Variants in ZNF670 observed in about 807,000 individuals in gnomAD.
The protein encoded by ZNF670 is zinc finger protein 670.
In ZNF670, 7 loss-of-function variants were observed where a neutral mutation model predicts 10.9. The ratio of observed to expected loss-of-function variants is 0.64; its 90% CI spans 0.36 to 1.20. The LOEUF is 1.20. Among genes scored for constraint, ZNF670 ranks in the 50% most tolerant of loss-of-function variants. The pLI, the probability that ZNF670 is intolerant of heterozygous loss-of-function variation, is 0.02. For missense variants in ZNF670, 446 were observed against 458.6 expected, an observed-to-expected ratio of 0.97 and a Z score of 0.25; for synonymous variants, 136 against 152.7, an observed-to-expected ratio of 0.89 and a Z score of 0.81.
At chr1:247,061,910 G>T (rs1049831007) in intron 1 of ZNF670, among the ~76,000 whole-genome samples, 10 of 152,166 alleles carry the variant, frequency 6.6e-5, no homozygotes, top group African/African-American at 2.2e-4. Flanking sequence ...AATGATAAGG[G>T]TGATCTAAGA....
intron 1 of ZNF670, among the ~76,000 whole-genome samples, chr1:247,051,795 TTTTG>T (rs1670603434): frequency 6.7e-6 from 1 of 149,444 alleles, no homozygotes; most frequent in African/African-American, 2.5e-5. Context: ...TTTTTTTTTT[TTTTG>T]TTTTGTTGCA....
chr1:247,071,054 T>C (rs2103071889), intron 1 of ZNF670, among the ~76,000 whole-genome samples: 1 of 152,364 alleles, frequency 6.6e-6, no homozygotes, highest in Non-Finnish European at 1.5e-5. Flanking sequence ...GTGGAAAGCA[T>C]TTTGGAGATT....
intron 1 of ZNF670, among the ~76,000 whole-genome samples, chr1:247,057,976 A>C (rs1189901912): frequency 1.3e-5 from 2 of 152,226 alleles, no homozygotes; most frequent in Non-Finnish European, 2.9e-5. Context: ...TGTACATTTT[A>C]AAATAAGTAA....
At chr1:247,058,618 A>G (rs1413932737) in intron 1 of ZNF670, among the ~76,000 whole-genome samples, 1 of 151,688 alleles carries the variant, frequency 6.6e-6, no homozygotes, top group Admixed American at 6.6e-5. Context: ...ATAAACCTAT[A>G]GCCAGACCAA....
intron 1 of ZNF670, among the ~76,000 whole-genome samples, chr1:247,057,345 T>C (rs1480970237): frequency 1.3e-5 from 2 of 152,146 alleles, no homozygotes; most frequent in Non-Finnish European, 2.9e-5. Flanking sequence ...CAACAATTGC[T>C]GGAGAGGATG....
In ZNF670 at chr1:247,037,237, T is replaced by C; in HGVS notation, c.*212A>G. On this transcript the variant is annotated 3_prime_UTR_variant, in exon 4 of 4. Transcript: ENST00000366503. ...GAAAATAAAGTGTTCTAACACATTT[T>C]TCGTATTTTATGACGTTCTTTCCCA... 2.1e-6 allele frequency: 1 copy of C among 482,588 alleles called. No homozygotes were observed. The highest frequency in any genetic ancestry group is 3.5e-6 in the Non-Finnish European group (1 of 284,570). 29.9% of individuals were successfully genotyped at this position (482,588 alleles called of 1,614,324 possible). A position where few individuals can be genotyped will look rare whatever the true frequency, so the allele number is the denominator to read the frequency against.
chr1:247,035,961 TCAAA>T lies in ZNF670; in HGVS notation c.*1484_*1487del, dbSNP rs555099942. Among the ~76,000 whole-genome samples, 4 of 152,184 alleles carry T rather than the reference TCAAA, an allele frequency of 2.6e-5. No individual in the cohort carries two copies. The highest frequency in any genetic ancestry group is 4.4e-5 in the Non-Finnish European group (3 of 68,034). ...TTTCTGTTGAGCATAAGACTGGTGC[TCAAA>T]CAGTTTTTGACTTCGGAGCATTTCA... is the stretch of plus-strand genomic sequence containing the variant. On this transcript the variant is annotated 3_prime_UTR_variant, in exon 4 of 4. Coordinates refer to ENST00000366503, the MANE Select transcript of ZNF670 (RefSeq NM_033213.5).
chr1:247,059,877 G>A (rs752536271), intron 1 of ZNF670, among the ~76,000 whole-genome samples: 1 of 152,074 alleles, frequency 6.6e-6, no homozygotes, highest in Admixed American at 6.6e-5. Flanking sequence ...ATGAGCAACT[G>A]ATTTAAATTT....
rs1670137483 is a variant in ZNF670, at chr1:247,035,838, G to A, written c.*1611C>T. The stretch of plus-strand genomic sequence containing the variant: ...TTATCTGAAATACTTGGGAACGGAA[G>A]TGCTTTGGATTTCAGACTTTTAACA... On this transcript the variant is annotated 3_prime_UTR_variant, in exon 4 of 4. Coordinates refer to ENST00000366503, the MANE Select transcript of ZNF670 (RefSeq NM_033213.5). Among the ~76,000 whole-genome samples, 1 of 152,192 alleles carries A rather than the reference G, an allele frequency of 6.6e-6. No individual in the cohort carries two copies. The highest frequency in any genetic ancestry group is 2.4e-5 in the African/African-American group (1 of 41,448).
intron 1 of ZNF670, among the ~76,000 whole-genome samples, chr1:247,068,151 C>T (rs1223587886): frequency 6.7e-6 from 1 of 150,074 alleles, no homozygotes; most frequent in African/African-American, 2.5e-5. Flanking sequence ...AACCCCATCT[C>T]TACTAAAGAT....
chr1:247,064,983 A>G (rs775283256), intron 1 of ZNF670, among the ~76,000 whole-genome samples: 4 of 151,906 alleles, frequency 2.6e-5, no homozygotes, highest in African/African-American at 4.8e-5. Flanking sequence ...TAATTTTTGT[A>G]GTTTTTGTAG....
intron 1 of ZNF670, among the ~76,000 whole-genome samples, chr1:247,047,971 C>T (rs1207061720): frequency 6.6e-6 from 1 of 152,212 alleles, no homozygotes; most frequent in Non-Finnish European, 1.5e-5. Context: ...GTCCTAAAGA[C>T]ATTTTCCCCA....
rs1366956269 is a variant in ZNF670, at chr1:247,057,150, GA to G, written c.4-17614del. The stretch of plus-strand genomic sequence containing the variant: ...ACATAAGGATTTCAAACAAATACAG[GA>G]AAAAAAATTCTAATAATCTCATCCA... On this transcript the variant is annotated intron_variant, in intron 1 of 3. Transcript: ENST00000366503. Among the ~76,000 whole-genome samples the G allele has an allele frequency of 6.6e-5, 10 of 151,884 alleles. 1 individual carries two copies. The highest frequency in any genetic ancestry group is 1.4e-4 in the African/African-American group (6 of 41,448).
intron 1 of ZNF670, among the ~76,000 whole-genome samples, chr1:247,073,570 A>G (rs1449479248): frequency 6.6e-6 from 1 of 152,172 alleles, no homozygotes; most frequent in Non-Finnish European, 1.5e-5. Flanking sequence ...CAGGGTCTCA[A>G]TTCTCACCAG....
chr1:247,052,656 A>C (rs1202408837), intron 1 of ZNF670, among the ~76,000 whole-genome samples: 2 of 152,146 alleles, frequency 1.3e-5, no homozygotes, highest in Non-Finnish European at 2.9e-5. Flanking sequence ...TGGAATTAGC[A>C]GTTGTTTACT....
At chr1:247,064,088 C>T (rs1670928469) in intron 1 of ZNF670, among the ~76,000 whole-genome samples, 1 of 152,172 alleles carries the variant, frequency 6.6e-6, no homozygotes, top group African/African-American at 2.4e-5. Flanking sequence ...TGTTAGGATC[C>T]CCATCCTGCA....
chr1:247,066,271 C>G (rs1177208251), intron 1 of ZNF670, among the ~76,000 whole-genome samples: 1 of 152,100 alleles, frequency 6.6e-6, no homozygotes, highest in Non-Finnish European at 1.5e-5. Context: ...TGCTGAGGAC[C>G]AGGACTCATT....
intron 1 of ZNF670, among the ~76,000 whole-genome samples, chr1:247,053,295 G>A (rs1220524135): frequency 2.0e-5 from 3 of 151,928 alleles, no homozygotes; most frequent in South Asian, 2.1e-4. Flanking sequence ...CCCTTTCATC[G>A]ACCCCCAGAT....
Position 247,037,665 on chromosome 1 carries a change from G to C in ZNF670, c.954C>G (p.Phe318Leu). The C allele has an allele frequency of 6.2e-7, 1 of 1,613,960 alleles. No individual in the cohort carries two copies. Among genetic ancestry groups the C allele is most frequent in the Non-Finnish European group, 8.5e-7 (1 of 1,179,956 alleles). Residue 318 changes from phenylalanine to leucine, a missense_variant, in exon 4 of 4, where the codon TTC (phenylalanine) becomes TTG (leucine). Phe to Leu is a conservative substitution (Grantham distance 22). Coordinates refer to ENST00000366503, the MANE Select transcript of ZNF670 (RefSeq NM_033213.5). ...GCTCACATAGGTTACTAGAATATTTGAAGGCTTTACCACATTGTTTACATT... is the reference window on the plus strand; with the variant it reads ...GCTCACATAGGTTACTAGAATATTTCAAGGCTTTACCACATTGTTTACATT... ...PYECKQCGKA[F>L]KYSSNLCEHE...
Sources: gnomAD v4.1 joint callset for allele counts (sites outside exome capture counted in the v4.1 genomes callset) on GRCh38, gnomAD v4.1.1 for gene constraint, MANE v1.5 for transcripts, NCBI Gene and HGNC (gene_info 2026-07-23, HGNC 2026-07-21) for gene names.